Variants in CSMD1 observed in about 807,000 individuals in gnomAD.
CSMD1 encodes the protein CUB and Sushi multiple domains 1.
A neutral mutation model predicts 417.5 loss-of-function variants in CSMD1; 213 were observed. The observed-to-expected ratio is 0.51, with a 90% CI of 0.46 to 0.57. The LOEUF is 0.57. Ranked by LOEUF, CSMD1 falls within the 20% of genes least tolerant of loss-of-function variation. CSMD1 has a pLI of 0.00. For synonymous variants in CSMD1, 2,862 were observed against 1,736.8 expected (o/e 1.65, Z -16.11); for missense variants, 6,923 against 4,529.7 (o/e 1.53, Z -15.17).
At chr8:3,753,796 A>G (rs1414889997) in intron 6 of CSMD1, 134 bp downstream of exon 6, 1 of 576,556 alleles carries the variant, frequency 1.7e-6, no homozygotes, top group East Asian at 3.0e-5. Flanking sequence ...ATGATTTCCA[A>G]AGATAACTGT....
intron 2 of CSMD1, among the ~76,000 whole-genome samples, chr8:4,476,777 C>G (rs1800825310): frequency 6.6e-6 from 1 of 152,264 alleles, no homozygotes. Flanking sequence ...TTAGATGGCA[C>G]AGAGAGCACC....
At chr8:4,516,063 A>C (rs1226026213) in intron 2 of CSMD1, among the ~76,000 whole-genome samples, 5 of 152,108 alleles carry the variant, frequency 3.3e-5, no homozygotes, top group African/African-American at 4.8e-5. Context: ...GCTATGTTGA[A>C]ATCTCAACCC....
At chr8:4,646,703 A>G (rs1803539043) in intron 1 of CSMD1, among the ~76,000 whole-genome samples, 1 of 152,202 alleles carries the variant, frequency 6.6e-6, no homozygotes, top group African/African-American at 2.4e-5. Flanking sequence ...TTTAATGCTT[A>G]GTAGAGTTCA....
At chr8:3,131,524 T>C (rs187570893) in intron 41 of CSMD1, among the ~76,000 whole-genome samples, 1 of 151,074 alleles carries the variant, frequency 6.6e-6, no homozygotes, top group South Asian at 2.1e-4. Context: ...CAGGCTAAAG[T>C]GCAGTGGCGT....
intron 7 of CSMD1, among the ~76,000 whole-genome samples, chr8:3,631,507 G>C (rs759942865): frequency 1.8e-4 from 27 of 152,216 alleles, no homozygotes; most frequent in Non-Finnish European, 3.7e-4. Context: ...GCCGGGAATA[G>C]CTTAGGGGAT....
At chr8:4,727,131 C>T (rs1809510616) in intron 1 of CSMD1, among the ~76,000 whole-genome samples, 1 of 152,062 alleles carries the variant, frequency 6.6e-6, no homozygotes, top group Non-Finnish European at 1.5e-5. Context: ...CTGAATGTAA[C>T]TTCTGCGGGG....
chr8:4,369,577 T>C (rs1285739025), intron 3 of CSMD1, among the ~76,000 whole-genome samples: 1 of 152,238 alleles, frequency 6.6e-6, no homozygotes, highest in Non-Finnish European at 1.5e-5. Context: ...GTTGTCTAAG[T>C]CTGTCTGTAG....
At chr8:4,372,747 A>T (rs201632444) in intron 3 of CSMD1, among the ~76,000 whole-genome samples, 1 of 53,880 alleles carries the variant, frequency 1.9e-5, no homozygotes, top group African/African-American at 1.4e-4. Context: ...GAGGCAAAAG[A>T]AAAAAAAAAA....
chr8:3,964,334 G>A (rs371307619), intron 5 of CSMD1, among the ~76,000 whole-genome samples: 7 of 152,258 alleles, frequency 4.6e-5, no homozygotes, highest in South Asian at 4.2e-4. Context: ...TTGTGTCACC[G>A]TGACTTATTT....
At chr8:3,628,391 G>A (rs1317903427) in intron 7 of CSMD1, among the ~76,000 whole-genome samples, 2 of 152,184 alleles carry the variant, frequency 1.3e-5, no homozygotes, top group African/African-American at 4.8e-5. Context: ...GCACAGGCCC[G>A]TAGTCATGGG....
chr8:4,033,984 T>C (rs1045813049), intron 3 of CSMD1, among the ~76,000 whole-genome samples: 1 of 152,186 alleles, frequency 6.6e-6, no homozygotes, highest in Admixed American at 6.5e-5. Flanking sequence ...GCTATGAAAC[T>C]TACTAGTAGA....
intron 36 of CSMD1, among the ~76,000 whole-genome samples, chr8:3,182,518 A>C (rs1821400523): frequency 6.6e-6 from 1 of 151,340 alleles, no homozygotes. Flanking sequence ...CCCGGCCCCC[A>C]AGAGATTTGA....
intron 1 of CSMD1, among the ~76,000 whole-genome samples, chr8:4,762,562 T>C (rs1244990343): frequency 1.3e-5 from 2 of 152,132 alleles, no homozygotes; most frequent in Non-Finnish European, 2.9e-5. Flanking sequence ...CAAAAATTCA[T>C]AGTCCCATCA....
chr8:3,763,868 A>G (rs182955289), intron 5 of CSMD1, among the ~76,000 whole-genome samples: 1 of 152,268 alleles, frequency 6.6e-6, no homozygotes, highest in Admixed American at 6.5e-5. Context: ...CCAAAGCCTT[A>G]GACCTCAGCA....
At chr8:3,937,712 A>G (rs1810601212) in intron 5 of CSMD1, among the ~76,000 whole-genome samples, 1 of 152,196 alleles carries the variant, frequency 6.6e-6, no homozygotes, top group Non-Finnish European at 1.5e-5. Context: ...ATCAGACATT[A>G]TAGTTTCCAC....
chr8:3,196,378 CT>C (rs1341407520), intron 33 of CSMD1, among the ~76,000 whole-genome samples: 1 of 152,136 alleles, frequency 6.6e-6, no homozygotes, highest in Non-Finnish European at 1.5e-5. Context: ...GCCCATGCTG[CT>C]GCTCTATGGA....
chr8:4,376,730 C>T (rs1388293042), intron 3 of CSMD1, among the ~76,000 whole-genome samples: 2 of 152,206 alleles, frequency 1.3e-5, no homozygotes, highest in African/African-American at 2.4e-5. Flanking sequence ...TTTTAACTTG[C>T]ACTGCTTTAT....
chr8:3,607,566 G>T (rs1169634746), intron 8 of CSMD1, among the ~76,000 whole-genome samples: 2 of 152,154 alleles, frequency 1.3e-5, no homozygotes, highest in Non-Finnish European at 2.9e-5. Context: ...CTCTGTGCTG[G>T]GAGGGAGCAG....
At chr8:4,341,789 G>A (rs1470157438) in intron 3 of CSMD1, among the ~76,000 whole-genome samples, 1 of 152,024 alleles carries the variant, frequency 6.6e-6, no homozygotes, top group Non-Finnish European at 1.5e-5. Flanking sequence ...AGATTTCAGT[G>A]CCCATTAATT....
Sources: gnomAD v4.1 joint callset for allele counts (sites outside exome capture counted in the v4.1 genomes callset) on GRCh38, gnomAD v4.1.1 for gene constraint, MANE v1.5 for transcripts, NCBI Gene and HGNC (gene_info 2026-07-23, HGNC 2026-07-21) for gene names.